Variants in WDFY1 observed in about 807,000 individuals in gnomAD.
WDFY1 encodes WD repeat and FYVE domain-containing protein 1.
WDFY1 carries 32 observed loss-of-function variants against 56.4 expected under a neutral mutation model. That is an observed-to-expected ratio of 0.57 (90% CI 0.43 to 0.76). The LOEUF (loss-of-function observed/expected upper bound fraction) is 0.76. WDFY1 is among the 30% of genes least tolerant of loss of function. The pLI is 0.00. For synonymous variants in WDFY1, 192 were observed against 197.3 expected (o/e 0.97, Z 0.23); for missense variants, 480 against 545.7 (o/e 0.88, Z 1.20).
At chr2:223,934,967 C>T (rs12467832) in intron 1 of WDFY1, among the ~76,000 whole-genome samples, 127,979 of 152,140 alleles carry the variant, frequency 0.84, 54,563 homozygotes, top group Non-Finnish European at 0.93. Context: ...TGGCAAACAT[C>T]GCACAAGAAG....
intron 6 of WDFY1, among the ~76,000 whole-genome samples, chr2:223,896,173 A>AAAAAAAAAC: frequency 2.0e-5 from 3 of 148,322 alleles, no homozygotes; most frequent in Non-Finnish European, 3.0e-5. Flanking sequence ...AAAAAAAAAA[A>AAAAAAAAAC]AAAAAAAAAA....
intron 2 of WDFY1, among the ~76,000 whole-genome samples, chr2:223,917,286 T>C (rs1693804453): frequency 6.6e-6 from 1 of 152,210 alleles, no homozygotes. Flanking sequence ...CATGACGCTA[T>C]GGAGGGCACA....
intron 1 of WDFY1, among the ~76,000 whole-genome samples, chr2:223,931,711 G>T (rs1694077848): frequency 6.9e-6 from 1 of 145,270 alleles, no homozygotes; most frequent in Admixed American, 7.0e-5. Flanking sequence ...TTTTGAGACA[G>T]AGTCTTGCTC....
chr2:223,919,311 A>C (rs1467123498), intron 1 of WDFY1, among the ~76,000 whole-genome samples: 2 of 152,214 alleles, frequency 1.3e-5, no homozygotes, highest in Non-Finnish European at 2.9e-5. Context: ...CCCGGGTTCA[A>C]GGGATTCTCC....
intron 6 of WDFY1, 63 bp from the exon 7 acceptor site, chr2:223,895,693 T>A (rs962345228): frequency 1.3e-6 from 2 of 1,585,828 alleles, no homozygotes; most frequent in Admixed American, 1.8e-5. Flanking sequence ...TAACTCTACA[T>A]CAGGACGTAT....
intron 5 of WDFY1, among the ~76,000 whole-genome samples, chr2:223,899,872 A>G (rs1034901478): frequency 3.9e-5 from 6 of 152,252 alleles, no homozygotes; most frequent in Non-Finnish European, 5.9e-5. Flanking sequence ...ATCTGACAGT[A>G]AATACAAGAC....
chr2:223,928,142 T>C (rs774132815), intron 1 of WDFY1, among the ~76,000 whole-genome samples: 1 of 152,100 alleles, frequency 6.6e-6, no homozygotes, highest in East Asian at 1.9e-4. Context: ...ATAATAAAGT[T>C]TGGAATATTG....
intron 3 of WDFY1, among the ~76,000 whole-genome samples, chr2:223,909,319 T>C (rs1320983471): frequency 1.3e-5 from 2 of 152,094 alleles, no homozygotes; most frequent in Non-Finnish European, 2.9e-5. Flanking sequence ...CCCCTTAAAG[T>C]CACACTCAAG....
chr2:223,889,090 G>A (rs1693224759), intron 8 of WDFY1, among the ~76,000 whole-genome samples: 1 of 151,648 alleles, frequency 6.6e-6, no homozygotes, highest in Non-Finnish European at 1.5e-5. Flanking sequence ...TTTTAGTAGG[G>A]TTGGGATTTC....
At chr2:223,929,176 CTTTCTGT>C in intron 1 of WDFY1, among the ~76,000 whole-genome samples, 2 of 82,954 alleles carry the variant, frequency 2.4e-5, no homozygotes, top group Non-Finnish European at 5.1e-5. Flanking sequence ...TTTTTTTTTT[CTTTCTGT>C]TTTTTGTTTT....
At chr2:223,933,084 T>C (rs992056364) in intron 1 of WDFY1, among the ~76,000 whole-genome samples, 1 of 152,096 alleles carries the variant, frequency 6.6e-6, no homozygotes, top group Non-Finnish European at 1.5e-5. Context: ...AAATGTTAGA[T>C]TGTTATTGAA....
intron 1 of WDFY1, among the ~76,000 whole-genome samples, chr2:223,937,873 C>T (rs1232896758): frequency 1.3e-5 from 2 of 152,130 alleles, no homozygotes; most frequent in Non-Finnish European, 2.9e-5. Flanking sequence ...TAATGAATTC[C>T]AGCTATGCCA....
At chr2:223,885,449 A>G (rs754622045) in intron 8 of WDFY1, among the ~76,000 whole-genome samples, 2 of 152,064 alleles carry the variant, frequency 1.3e-5, no homozygotes, top group Non-Finnish European at 2.9e-5. Flanking sequence ...CTTCTGCCTC[A>G]GCCCCACAAA....
chr2:223,928,641 C>A (rs1271393385), intron 1 of WDFY1, among the ~76,000 whole-genome samples: 1 of 152,212 alleles, frequency 6.6e-6, no homozygotes, highest in African/African-American at 2.4e-5. Context: ...AAGAGTCTAT[C>A]CTTTAAATTG....
At chr2:223,934,076 CTTTTCTTTTTTTTTTT>C (rs1021013892) in intron 1 of WDFY1, among the ~76,000 whole-genome samples, 1 of 37,624 alleles carries the variant, frequency 2.7e-5, no homozygotes, top group African/African-American at 6.7e-5. Context: ...CAGCCTTTTT[CTTTTCTTTTTTTTTTT>C]TTTTTTTTTT....
At chr2:223,883,620 G>GTA (rs1693113347) in intron 9 of WDFY1, among the ~76,000 whole-genome samples, 1 of 151,522 alleles carries the variant, frequency 6.6e-6, no homozygotes, top group Non-Finnish European at 1.5e-5. Flanking sequence ...GAGTATCTCT[G>GTA]AGTAAAATTT....
chr2:223,887,311 C>T (rs1409520405), intron 8 of WDFY1, among the ~76,000 whole-genome samples: 3 of 152,052 alleles, frequency 2.0e-5, no homozygotes, highest in East Asian at 3.9e-4. Flanking sequence ...CATGCCCAAG[C>T]GTAACTCTTG....
chr2:223,944,341 G>C (rs1160528888), intron 1 of WDFY1, among the ~76,000 whole-genome samples: 1 of 152,274 alleles, frequency 6.6e-6, no homozygotes, highest in African/African-American at 2.4e-5. Flanking sequence ...CACCTTCCGA[G>C]TACCAGGCTA....
At chr2:223,931,348 A>T (rs1162460918) in intron 1 of WDFY1, among the ~76,000 whole-genome samples, 1 of 152,210 alleles carries the variant, frequency 6.6e-6, no homozygotes, top group Non-Finnish European at 1.5e-5. Context: ...TTACCTTCCT[A>T]TAGTAGATAT....
Sources: gnomAD v4.1 joint callset for allele counts (sites outside exome capture counted in the v4.1 genomes callset) on GRCh38, gnomAD v4.1.1 for gene constraint, MANE v1.5 for transcripts, NCBI Gene and HGNC (gene_info 2026-07-23, HGNC 2026-07-21) for gene names.